Variants in KLHL29 observed in about 807,000 individuals in gnomAD.
KLHL29 encodes kelch like family member 29.
KLHL29 carries 21 observed loss-of-function variants against 80.4 expected under a neutral mutation model. That is an observed-to-expected ratio of 0.26 (90% CI 0.19 to 0.38). The LOEUF is 0.38. Among genes scored for constraint, KLHL29 ranks in the 10% least tolerant of loss-of-function variants. The probability of loss-of-function intolerance (pLI) is 1.00; values close to 1 mark genes in which losing one functional copy is unlikely to be tolerated. For synonymous variants in KLHL29, 511 were observed against 526.8 expected (o/e 0.97, Z 0.41); for missense variants, 867 against 1,223.9 (o/e 0.71, Z 4.35).
rs1007245657 is a variant in KLHL29 at position 23,696,326 on chromosome 2, C to T, written c.1925-7C>T. The T allele has an allele frequency of 9.7e-6, 15 of 1,551,048 alleles. No homozygotes were observed. Among genetic ancestry groups the T allele is most frequent in the Non-Finnish European group, 1.1e-5 (13 of 1,146,590 alleles). ...CCCGCTCTCTCTGCCTCCCACACTG[C>T]CTCCAGGTGGGATGGAATCAGGGGT... On this transcript the variant is annotated splice_region_variant and splice_polypyrimidine_tract_variant and intron_variant, in intron 10 of 13. Transcript: ENST00000486442. The surrounding 1 kb of genome is among the most constrained non-coding windows in gnomAD (Gnocchi z 5.5).
At chr2:23,467,552 G>A (rs1050376544) in intron 1 of KLHL29, among the ~76,000 whole-genome samples, 28 of 152,140 alleles carry the variant, frequency 1.8e-4, no homozygotes, top group African/African-American at 5.6e-4. Context: ...AACAGCCTCA[G>A]ATCTATTCAA....
chr2:23,399,835 G>A (rs1442116802), intron 1 of KLHL29, among the ~76,000 whole-genome samples: 1 of 152,182 alleles, frequency 6.6e-6, no homozygotes, highest in Non-Finnish European at 1.5e-5. Flanking sequence ...GTGCACTCTT[G>A]TGTGCCCTGC....
chr2:23,584,259 G>T (rs1164629183), intron 3 of KLHL29, among the ~76,000 whole-genome samples: 3 of 152,196 alleles, frequency 2.0e-5, no homozygotes, highest in African/African-American at 7.2e-5. Flanking sequence ...GCTGTTGCTG[G>T]TGCCCAGAGC....
Position 23,474,137 on chromosome 2 carries a change from T to C in KLHL29, c.-153-1423T>C, listed in dbSNP as rs372704165. On this transcript the variant is annotated intron_variant, in intron 1 of 13. Transcript: ENST00000486442. ...ACTACTTTTTAAGTGTATTGTATAT[T>C]CTGTGTTTCCACCCTCTAGAATATG... is the stretch of plus-strand genomic sequence containing the variant. Among the ~76,000 whole-genome samples, 29 of 152,350 alleles carry C rather than the reference T, an allele frequency of 1.9e-4. No individual in the cohort carries two copies. The South Asian group carries it at 2.3e-3, about 12-fold the overall frequency.
chr2:23,481,794 G>A (rs1664804961), intron 2 of KLHL29, among the ~76,000 whole-genome samples: 1 of 152,194 alleles, frequency 6.6e-6, no homozygotes, highest in Non-Finnish European at 1.5e-5. Context: ...GCACATGCTT[G>A]TAATCCCAAC....
chr2:23,391,471 A>G (rs1037470398), intron 1 of KLHL29, among the ~76,000 whole-genome samples: 4 of 152,166 alleles, frequency 2.6e-5, no homozygotes, highest in African/African-American at 9.7e-5. Context: ...CTTGTTGCCC[A>G]GGCTGGAGTG....
intron 3 of KLHL29, among the ~76,000 whole-genome samples, chr2:23,584,141 C>T (rs943203883): frequency 1.3e-5 from 2 of 152,182 alleles, no homozygotes; most frequent in South Asian, 2.1e-4. Context: ...AGAAGATGAG[C>T]GATCCCCAGG....
intron 3 of KLHL29, among the ~76,000 whole-genome samples, chr2:23,637,113 C>T (rs925677618): frequency 7.9e-5 from 12 of 152,102 alleles, no homozygotes; most frequent in African/African-American, 2.4e-4. Context: ...AAGGGAGTGC[C>T]GGTCAGGAGG....
At chr2:23,422,436 T>G (rs1439277246) in intron 1 of KLHL29, among the ~76,000 whole-genome samples, 1 of 145,096 alleles carries the variant, frequency 6.9e-6, no homozygotes, top group East Asian at 2.1e-4. Context: ...CTGTGTGTGT[T>G]GTATGTTCCT....
At chr2:23,454,909 A>C (rs1043112771) in intron 1 of KLHL29, among the ~76,000 whole-genome samples, 1 of 149,958 alleles carries the variant, frequency 6.7e-6, no homozygotes, top group African/African-American at 2.4e-5. Context: ...ACCCCTTGGC[A>C]CTTGGCATGG....
At chr2:23,683,466 G>A (rs1671148290) in intron 5 of KLHL29, among the ~76,000 whole-genome samples, 3 of 152,238 alleles carry the variant, frequency 2.0e-5, no homozygotes, top group Admixed American at 2.0e-4. Flanking sequence ...CAATGAAAGA[G>A]AGTGTGCAAC....
intron 5 of KLHL29, among the ~76,000 whole-genome samples, chr2:23,663,621 G>A (rs1485726796): frequency 1.3e-5 from 2 of 152,226 alleles, no homozygotes; most frequent in Non-Finnish European, 2.9e-5. Flanking sequence ...TTTGATTTCC[G>A]GAGTGATATT....
intron 2 of KLHL29, among the ~76,000 whole-genome samples, chr2:23,508,869 T>TG (rs1035328425): frequency 1.3e-5 from 2 of 152,198 alleles, no homozygotes; most frequent in Non-Finnish European, 2.9e-5. Context: ...TTCCCTGTCA[T>TG]GGAGAAAGCA....
intron 1 of KLHL29, among the ~76,000 whole-genome samples, chr2:23,447,013 T>G (rs1663715019): frequency 6.6e-6 from 1 of 152,226 alleles, no homozygotes; most frequent in Non-Finnish European, 1.5e-5. Flanking sequence ...CTTTCATCCT[T>G]TAAATCTAAT....
At chr2:23,483,946 T>C (rs762324167) in intron 2 of KLHL29, among the ~76,000 whole-genome samples, 4 of 152,206 alleles carry the variant, frequency 2.6e-5, no homozygotes, top group Non-Finnish European at 4.4e-5. Flanking sequence ...CCCACGACCA[T>C]TAGTGCAGCA....
In KLHL29 at chr2:23,439,672, G is replaced by C. The variant is rs546834861; in HGVS notation, c.-153-35888G>C. 1.1e-3 allele frequency among the ~76,000 whole-genome samples: 160 copies of C among 152,126 alleles called. 4 individuals carry two copies. In the South Asian group the frequency reaches 0.033, roughly 31 times the overall value. On this transcript the variant is annotated intron_variant, in intron 1 of 13. Coordinates refer to ENST00000486442, the MANE Select transcript of KLHL29 (RefSeq NM_052920.2). ...CTAGTTTGATTGCACTGTGGTCTGAGAGACAGTTTGTTATAATTTCTGTTC... is the reference window on the plus strand; with the variant it reads ...CTAGTTTGATTGCACTGTGGTCTGACAGACAGTTTGTTATAATTTCTGTTC...
chr2:23,553,429 C>T lies in KLHL29; in HGVS notation c.-45-8723C>T, dbSNP rs143645635. On this transcript the variant is annotated intron_variant, in intron 2 of 13. Transcript: ENST00000486442. ...AGAAGGCTGGCATCAGCCTGGGGCA[C>T]TCCAGAGTTTCCTGGGTTTCTGCTG... 4.5e-4 allele frequency among the ~76,000 whole-genome samples: 69 copies of T among 152,374 alleles called. 2 individuals carry two copies. The East Asian group carries it at 8.7e-3, about 19-fold the overall frequency.
chr2:23,509,202 T>C (rs1001405836), intron 2 of KLHL29, among the ~76,000 whole-genome samples: 1 of 152,206 alleles, frequency 6.6e-6, no homozygotes, highest in Non-Finnish European at 1.5e-5. Context: ...AGACTGCGGC[T>C]GGTGGAGACC....
At chr2:23,583,125 T>C (rs1168248103) in intron 3 of KLHL29, among the ~76,000 whole-genome samples, 1 of 151,930 alleles carries the variant, frequency 6.6e-6, no homozygotes, top group African/African-American at 2.4e-5. Flanking sequence ...CCAGAGGGGG[T>C]GTGGCCCTGC....
Sources: allele counts gnomAD v4.1 joint callset (sites outside exome capture counted in the v4.1 genomes callset), GRCh38; gene constraint gnomAD v4.1.1; non-coding constraint Gnocchi (gnomAD v3.1); transcripts MANE v1.5; gene names NCBI Gene and HGNC (gene_info 2026-07-23, HGNC 2026-07-21).